C1S: variants seen among roughly 807,000 people sequenced by gnomAD.
C1S encodes the protein complement C1s subcomponent.
C1S carries 31 observed loss-of-function variants against 54.0 expected under a neutral mutation model. The ratio of observed to expected loss-of-function variants is 0.57; its 90% CI spans 0.43 to 0.78. The LOEUF (loss-of-function observed/expected upper bound fraction) is 0.78. C1S is among the 30% of genes least tolerant of loss of function. The probability of loss-of-function intolerance (pLI) is 0.00; values close to 1 mark genes in which losing one functional copy is unlikely to be tolerated. For synonymous variants in C1S, 292 were observed against 303.6 expected (o/e 0.96, Z 0.40); for missense variants, 727 against 851.8 (o/e 0.85, Z 1.82).
chr12:7,064,096 CAT>C (rs1555161690), intron 4 of C1S, 169 bp from the exon 5 acceptor site: 1 of 762,072 alleles, frequency 1.3e-6, no homozygotes, highest in South Asian at 1.4e-5. Flanking sequence ...ACTCTGGAAT[CAT>C]ATGTCAGGAG....
rs1555162687 is a variant in C1S at position 7,068,538 on chromosome 12, G to A, written c.1270+8G>A. The A allele has an allele frequency of 6.2e-7, 1 of 1,605,260 alleles. No homozygotes were observed. Among genetic ancestry groups the A allele is most frequent in the Non-Finnish European group, 8.5e-7 (1 of 1,171,972 alleles). On this transcript the variant is annotated splice_region_variant and intron_variant, in intron 11 of 11. Coordinates refer to ENST00000360817, the MANE Select transcript of C1S (RefSeq NM_001734.5). ...TGCCGAAATGTGTTCCAGGTAAGGAGGGCTGAGGCTTGGGGAGAGATGATA... is the reference window on the plus strand; with the variant it reads ...TGCCGAAATGTGTTCCAGGTAAGGAAGGCTGAGGCTTGGGGAGAGATGATA...
intron 8 of C1S, 82 bp downstream of exon 8, chr12:7,066,715 A>G: frequency 1.2e-6 from 1 of 844,750 alleles, no homozygotes; most frequent in East Asian, 2.4e-5. Flanking sequence ...TGTTTACCCA[A>G]TGTATGTGTG....
chr12:7,063,456 C>A, intron 4 of C1S: 1 of 437,164 alleles, frequency 2.3e-6, no homozygotes, highest in Non-Finnish European at 4.7e-6. Context: ...AAGAATCACA[C>A]AAGGAATGTG....
chr12:7,063,898 G>A (rs1400652800), intron 4 of C1S: 14 of 422,346 alleles, frequency 3.3e-5, no homozygotes, highest in South Asian at 1.7e-4. Context: ...TAGTGGTGGT[G>A]CGTGCTTGTG....
chr12:7,069,847 C>A lies in C1S; in HGVS notation c.1271-8C>A, dbSNP rs782403075. ...CCTCCTTCCCTGTGTTGTTTTATTCCTTCCTAGTCTGTGGAGTCCCCAGAG... is the reference window on the plus strand; with the variant it reads ...CCTCCTTCCCTGTGTTGTTTTATTCATTCCTAGTCTGTGGAGTCCCCAGAG... On this transcript the variant is annotated splice_region_variant and splice_polypyrimidine_tract_variant and intron_variant, in intron 11 of 11. Transcript: ENST00000360817. The A allele has an allele frequency of 6.2e-7, 1 of 1,610,720 alleles. No individual in the cohort carries two copies. The highest frequency in any genetic ancestry group is 1.1e-5 in the South Asian group (1 of 91,018).
At chr12:7,066,275 A>C in intron 7 of C1S, 1 of 618,624 alleles carries the variant, frequency 1.6e-6, no homozygotes, top group East Asian at 2.7e-5. Context: ...TAAACCAGTC[A>C]ACGGTTGCTA....
At chr12:7,067,874 G>T (rs1386816519) in intron 10 of C1S, 103 bp downstream of exon 10, 1 of 1,217,228 alleles carries the variant, frequency 8.2e-7, no homozygotes, top group East Asian at 2.3e-5. Context: ...AAATGAAGGC[G>T]ATAGGACAGA....
chr12:7,064,477 C>G (rs782239250), intron 5 of C1S, 85 bp downstream of exon 5: 2 of 1,451,014 alleles, frequency 1.4e-6, no homozygotes, highest in East Asian at 2.3e-5. Context: ...ACCCTTCCAA[C>G]TTCGATTAGG....
Position 7,065,805 on chromosome 12 carries a change from C to A in C1S, c.718-12C>A. 6.2e-7 allele frequency: 1 copy of A among 1,612,842 alleles called. No individual in the cohort carries two copies. The highest frequency in any genetic ancestry group is 8.5e-7 in the Non-Finnish European group (1 of 1,178,892). ...AGTTCTTTCCCTCTTCTGATTTCAT[C>A]ATTTTGTTCAGTTTGTTGCAGGAGA... On this transcript the variant is annotated splice_polypyrimidine_tract_variant and intron_variant, in intron 6 of 11. Transcript: ENST00000360817.
At chr12:7,068,668 C>T (rs1425555293) in intron 11 of C1S, 138 bp downstream of exon 11, 1 of 696,454 alleles carries the variant, frequency 1.4e-6, no homozygotes, top group Non-Finnish European at 2.6e-6. Context: ...GGCAGTATCA[C>T]TGTGCCGTGG....
At position 7,062,138 on chromosome 12, in the gene C1S, C is replaced by T. The variant is rs782530549; in HGVS notation, c.5+221C>T. 28 of 586,550 alleles carry T rather than the reference C, an allele frequency of 4.8e-5. No individual in the cohort carries two copies. In the Middle Eastern group the frequency reaches 1.4e-3, roughly 29 times the overall value. 36.3% of individuals were successfully genotyped at this position (586,550 alleles called of 1,614,324 possible). On this transcript the variant is annotated intron_variant, in intron 2 of 11. Coordinates refer to ENST00000360817, the MANE Select transcript of C1S (RefSeq NM_001734.5). ...AAAAAAAAATTAGCCCAGCGTCATG[C>T]GTGTCACCTGTGGTCCCTGCTACTC... is the stretch of plus-strand genomic sequence containing the variant.
chr12:7,068,576 TG>T, intron 11 of C1S, 46 bp downstream of exon 11: 1 of 1,307,092 alleles, frequency 7.7e-7, no homozygotes, highest in Non-Finnish European at 1.1e-6. Flanking sequence ...CATGGGTGAC[TG>T]GGAGTCACCT....
chr12:7,066,876 C>T, intron 8 of C1S, 163 bp from the exon 9 acceptor site: 1 of 718,366 alleles, frequency 1.4e-6, no homozygotes, highest in Non-Finnish European at 2.6e-6. Context: ...GCAAAGCTTT[C>T]TGTCAGCCTC....
Position 7,069,909 on chromosome 12 carries a change from C to T in C1S, c.1325C>T (p.Ser442Phe), listed in dbSNP as rs1296205598. The change falls in exon 12 of 12, where the codon TCC becomes TTC. Residue 442 changes from serine to phenylalanine, a missense_variant. Ser to Phe is a radical substitution (Grantham distance 155). Coordinates refer to ENST00000360817, the MANE Select transcript of C1S (RefSeq NM_001734.5). ...GAAAAACAGAGGATAATTGGAGGAT[C>T]CGATGCAGATATTAAAAACTTCCCC... ...FEEKQRIIGG[S>F]DADIKNFPWQ... The T allele has an allele frequency of 2.5e-6, 4 of 1,614,030 alleles. No individual in the cohort carries two copies. Among genetic ancestry groups the T allele is most frequent in the Non-Finnish European group, 3.4e-6 (4 of 1,180,018 alleles).
intron 2 of C1S, chr12:7,062,152 T>C: frequency 3.5e-6 from 2 of 577,840 alleles, no homozygotes; most frequent in Non-Finnish European, 6.1e-6. Flanking sequence ...TCACCTGTGG[T>C]CCCTGCTACT....
intron 1 of C1S, 33 bp from the exon 2 acceptor site, chr12:7,061,806 C>A: frequency 7.8e-7 from 1 of 1,278,342 alleles, no homozygotes; most frequent in South Asian, 1.2e-5. Context: ...TTGTGTTTGT[C>A]AGACAAATAC....
intron 5 of C1S, among the ~76,000 whole-genome samples, chr12:7,064,647 G>A (rs1240360846): frequency 2.0e-5 from 3 of 151,906 alleles, no homozygotes; most frequent in South Asian, 2.1e-4. Context: ...TTACTTGAGC[G>A]GTGTACACTA....
Position 7,062,609 on chromosome 12 carries a change from G to T in C1S, c.140G>T (p.Gly47Val). 1 of 1,614,136 alleles carries T rather than the reference G, an allele frequency of 6.2e-7. No individual in the cohort carries two copies. Among genetic ancestry groups the T allele is most frequent in the Non-Finnish European group, 8.5e-7 (1 of 1,180,014 alleles). ...EKSWDIEVPE[G>V]YGIHLYFTHL... The stretch of plus-strand genomic sequence containing the variant: ...TCTTGGGACATAGAAGTTCCTGAAG[G>T]GTATGGGATTCACCTCTACTTCACC... Residue 47 changes from glycine to valine, a missense_variant, in exon 3 of 12, where the codon GGG becomes GTG. Physicochemically the swap from Gly to Val is moderately radical, Grantham distance 109. Transcript: ENST00000360817.
chr12:7,066,397 T>A, intron 7 of C1S, 121 bp from the exon 8 acceptor site: 1 of 724,294 alleles, frequency 1.4e-6, no homozygotes, highest in Non-Finnish European at 2.5e-6. Flanking sequence ...ATTGGAATGT[T>A]AAGCATCAGG....
Sources: gnomAD v4.1 joint callset for allele counts (sites outside exome capture counted in the v4.1 genomes callset) on GRCh38, gnomAD v4.1.1 for gene constraint, MANE v1.5 for transcripts, NCBI Gene and HGNC (gene_info 2026-07-23, HGNC 2026-07-21) for gene names.